Variants in KLHL32 observed in about 807,000 individuals in gnomAD.
The protein encoded by KLHL32 is kelch-like protein 32.
Under a neutral mutation model 64.8 loss-of-function variants are expected in KLHL32, and 35 were observed. The observed-to-expected ratio is 0.54, with a 90% confidence interval of 0.41 to 0.72. The LOEUF (loss-of-function observed/expected upper bound fraction) is 0.72, where lower values mean the gene tolerates loss of function less well. KLHL32 is among the 30% of genes least tolerant of loss of function. The pLI, the probability that KLHL32 is intolerant of heterozygous loss-of-function variation, is 0.00. For synonymous variants in KLHL32, 259 were observed against 281.0 expected, an observed-to-expected ratio of 0.92 and a Z score of 0.78; for missense variants, 589 against 768.5, an observed-to-expected ratio of 0.77 and a Z score of 2.76.
At chr6:97,039,822 A>AAAACAAAC (rs60070457) in intron 3 of KLHL32, among the ~76,000 whole-genome samples, 87 of 149,424 alleles carry the variant, frequency 5.8e-4, no homozygotes, top group African/African-American at 1.6e-3. Context: ...TCCATCTCAA[A>AAAACAAAC]AAACAAACAA....
Position 96,999,516 on chromosome 6 carries a change from T to A in KLHL32, c.204+23339T>A, listed in dbSNP as rs896704999. 4 of 971,910 alleles carry A rather than the reference T, an allele frequency of 4.1e-6. No homozygotes were observed. The African/African-American group carries it at 7.0e-5, about 17-fold the overall frequency. The allele number at this position is 971,910 out of a possible 1,614,324, so 60.2% of individuals were successfully genotyped here. A position where few individuals can be genotyped will look rare whatever the true frequency, so the allele number is the denominator to read the frequency against. On this transcript the variant is annotated intron_variant, in intron 3 of 10. Transcript: ENST00000369261. Reference sequence around the variant, plus strand: ...TGTTTTCACCATATTTGATGGAATTTTGAAGTGAACAATTCCTGACAGTAT... The same window carrying A: ...TGTTTTCACCATATTTGATGGAATTATGAAGTGAACAATTCCTGACAGTAT...
At chr6:97,082,168 G>T (rs559771068) in intron 5 of KLHL32, among the ~76,000 whole-genome samples, 1 of 152,292 alleles carries the variant, frequency 6.6e-6, no homozygotes, top group African/African-American at 2.4e-5. Flanking sequence ...AACAGAACAA[G>T]AAATACTAAA....
At chr6:96,939,474 A>G (rs1771011733) in intron 1 of KLHL32, among the ~76,000 whole-genome samples, 1 of 152,234 alleles carries the variant, frequency 6.6e-6, no homozygotes, top group Non-Finnish European at 1.5e-5. Flanking sequence ...GGAGAGGTTC[A>G]TGGCATTGTT....
rs9481249 is a variant in KLHL32 at position 97,059,199 on chromosome 6, C to A, written c.313-5429C>A. 1.0e-2 allele frequency among the ~76,000 whole-genome samples: 1,521 copies of A among 152,178 alleles called. 26 individuals are homozygous for A. Among genetic ancestry groups the A allele is most frequent in the African/African-American group, 0.035 (1,435 of 41,490 alleles). On this transcript the variant is annotated intron_variant, in intron 4 of 10. Transcript: ENST00000369261. The stretch of plus-strand genomic sequence containing the variant: ...ATAAGGAGTGGATTTAGAGTTGGAT[C>A]TTGAAATGAGTAGGATTTTGACATA...
intron 10 of KLHL32, among the ~76,000 whole-genome samples, chr6:97,133,063 C>T (rs773624698): frequency 2.2e-4 from 33 of 152,222 alleles, no homozygotes; most frequent in Non-Finnish European, 4.1e-4. Flanking sequence ...GGCAATAGTT[C>T]CTTCATATCC....
chr6:97,064,534 G>A (rs1789407160), intron 4 of KLHL32, 94 bp from the exon 5 acceptor site: 2 of 821,810 alleles, frequency 2.4e-6, no homozygotes, highest in South Asian at 3.2e-5. Context: ...ACGTAAAGCA[G>A]CAATTTAAAT....
intron 1 of KLHL32, among the ~76,000 whole-genome samples, chr6:96,963,300 AG>A (rs1184788043): frequency 6.6e-6 from 1 of 152,182 alleles, no homozygotes; most frequent in East Asian, 1.9e-4. Flanking sequence ...GACTGGGAAA[AG>A]TACTGTAAAC....
intron 4 of KLHL32, among the ~76,000 whole-genome samples, chr6:97,044,033 T>C (rs1048968727): frequency 6.6e-6 from 1 of 152,138 alleles, no homozygotes; most frequent in Non-Finnish European, 1.5e-5. Context: ...CTATGTTGAA[T>C]AGAAGTGGTC....
At chr6:96,938,508 G>A (rs1770889741) in intron 1 of KLHL32, among the ~76,000 whole-genome samples, 1 of 152,130 alleles carries the variant, frequency 6.6e-6, no homozygotes, top group Admixed American at 6.5e-5. Context: ...GCTTCTGACT[G>A]CTCTGGTCCT....
intron 3 of KLHL32, among the ~76,000 whole-genome samples, chr6:96,998,070 G>A (rs1778609559): frequency 6.6e-6 from 1 of 152,166 alleles, no homozygotes; most frequent in Admixed American, 6.5e-5. Flanking sequence ...CCCCAAGACT[G>A]TAGCCTTCTG....
At chr6:97,055,731 G>A (rs1356071040) in intron 4 of KLHL32, among the ~76,000 whole-genome samples, 2 of 147,126 alleles carry the variant, frequency 1.4e-5, no homozygotes, top group Admixed American at 1.4e-4. Context: ...CTGGGAGGTG[G>A]AGGTTGCAGT....
intron 4 of KLHL32, among the ~76,000 whole-genome samples, chr6:97,050,008 C>A (rs1326204718): frequency 6.6e-6 from 1 of 152,140 alleles, no homozygotes; most frequent in Non-Finnish European, 1.5e-5. Flanking sequence ...CCAGTCTGTT[C>A]TCCTTTATTA....
chr6:96,959,486 C>T (rs749601983), intron 1 of KLHL32, among the ~76,000 whole-genome samples: 2 of 152,178 alleles, frequency 1.3e-5, no homozygotes, highest in Non-Finnish European at 2.9e-5. Flanking sequence ...GCTGCCTTCT[C>T]CCTGTGTCCT....
rs759278578 is a variant in KLHL32 at position 97,140,108 on chromosome 6, T to C, written c.*826T>C. On this transcript the variant is annotated 3_prime_UTR_variant, in exon 11 of 11. Coordinates refer to ENST00000369261, the MANE Select transcript of KLHL32 (RefSeq NM_052904.4). ...TTTTTGAAGTTTAAAAATTACTAGA[T>C]AGAATTTGGAAACATGTTGTGGAAT... is the stretch of plus-strand genomic sequence containing the variant. The C allele has an allele frequency of 6.6e-6, 1 of 152,066 alleles. No homozygotes were observed. Among genetic ancestry groups the C allele is most frequent in the African/African-American group, 2.4e-5 (1 of 41,440 alleles). The allele number at this position is 152,066 out of a possible 1,614,324, so 9.4% of individuals were successfully genotyped here.
chr6:97,100,966 C>CTTGTTTTTTTTTTT (rs1795640393), intron 6 of KLHL32, among the ~76,000 whole-genome samples: 1 of 69,472 alleles, frequency 1.4e-5, no homozygotes, highest in African/African-American at 7.1e-5. Context: ...TGCAGCCAAG[C>CTTGTTTTTTTTTTT]TTTTTTTTTT....
At chr6:97,135,773 C>A (rs965752053) in intron 10 of KLHL32, among the ~76,000 whole-genome samples, 3 of 152,128 alleles carry the variant, frequency 2.0e-5, no homozygotes, top group Non-Finnish European at 4.4e-5. Flanking sequence ...TGAACTAAAG[C>A]TCCATTTTTT....
At chr6:97,102,216 T>C (rs541531969) in intron 6 of KLHL32, among the ~76,000 whole-genome samples, 19 of 152,210 alleles carry the variant, frequency 1.2e-4, no homozygotes, top group Non-Finnish European at 2.5e-4. Flanking sequence ...TTTACCTCTA[T>C]AGGCATATAC....
intron 6 of KLHL32, among the ~76,000 whole-genome samples, chr6:97,105,882 A>G (rs1246859273): frequency 6.6e-6 from 1 of 152,238 alleles, no homozygotes; most frequent in African/African-American, 2.4e-5. Flanking sequence ...GGGCACTTGT[A>G]TTTATATATA....
chr6:97,007,713 C>A (rs1779841887), intron 3 of KLHL32, among the ~76,000 whole-genome samples: 1 of 152,148 alleles, frequency 6.6e-6, no homozygotes, highest in Admixed American at 6.5e-5. Flanking sequence ...AAGGTAGGTA[C>A]AGTCAACTGG....
Sources: gnomAD v4.1 joint callset for allele counts (sites outside exome capture counted in the v4.1 genomes callset) on GRCh38, gnomAD v4.1.1 for gene constraint, MANE v1.5 for transcripts, NCBI Gene and HGNC (gene_info 2026-07-23, HGNC 2026-07-21) for gene names.